The following AGBL1 variants were observed in gnomAD, a reference collection of about 807,000 sequenced individuals.
AGBL1 encodes the protein AGBL carboxypeptidase 1.
A neutral mutation model predicts 118.9 loss-of-function variants in AGBL1; 130 were observed. The observed-to-expected ratio is 1.09, with a 90% CI of 0.95 to 1.26. The LOEUF (loss-of-function observed/expected upper bound fraction) is 1.26. Among genes scored for constraint, AGBL1 ranks in the 50% most tolerant of loss-of-function variants. AGBL1 has a pLI of 0.00. For synonymous variants in AGBL1, 555 were observed against 478.9 expected (o/e 1.16, Z -2.08); for missense variants, 1,584 against 1,298.1 (o/e 1.22, Z -3.38).
chr15:86,818,695 G>A (rs562752451), intron 22 of AGBL1, among the ~76,000 whole-genome samples: 2 of 152,154 alleles, frequency 1.3e-5, no homozygotes, highest in African/African-American at 2.4e-5. Context: ...AGTGGGAGTT[G>A]ACAAAGGGGA....
chr15:86,420,553 C>T (rs2081773371), intron 18 of AGBL1, among the ~76,000 whole-genome samples: 1 of 152,190 alleles, frequency 6.6e-6, no homozygotes, highest in Non-Finnish European at 1.5e-5. Context: ...CAGAATGCCT[C>T]TTCTCCAAAA....
intron 22 of AGBL1, among the ~76,000 whole-genome samples, chr15:86,700,594 C>A (rs532700486): frequency 2.6e-4 from 40 of 151,784 alleles, no homozygotes; most frequent in African/African-American, 9.2e-4. Context: ...AGATATAGAG[C>A]ATTAACACTT....
At chr15:86,433,718 G>A (rs1488616584) in intron 18 of AGBL1, among the ~76,000 whole-genome samples, 1 of 152,106 alleles carries the variant, frequency 6.6e-6, no homozygotes, top group Admixed American at 6.5e-5. Flanking sequence ...CAATCTCCAA[G>A]CTTCAGCCTT....
At chr15:86,806,097 A>G (rs2078710320) in intron 22 of AGBL1, among the ~76,000 whole-genome samples, 1 of 152,114 alleles carries the variant, frequency 6.6e-6, no homozygotes, top group African/African-American at 2.4e-5. Flanking sequence ...GACTGGAAGG[A>G]AGGAAGGGTG....
intron 5 of AGBL1, among the ~76,000 whole-genome samples, chr15:86,160,144 G>A (rs1011771325): frequency 6.8e-6 from 1 of 147,472 alleles, no homozygotes; most frequent in African/African-American, 2.5e-5. Flanking sequence ...TTAGGGGAAG[G>A]AGGGGTCAGT....
chr15:86,210,624 C>T (rs1159780415), intron 5 of AGBL1, among the ~76,000 whole-genome samples: 3 of 152,172 alleles, frequency 2.0e-5, no homozygotes, highest in Non-Finnish European at 2.9e-5. Flanking sequence ...GAAGCTTGAG[C>T]TTGTGTCACG....
chr15:86,794,320 C>T (rs1373807769), intron 22 of AGBL1, among the ~76,000 whole-genome samples: 1 of 152,026 alleles, frequency 6.6e-6, no homozygotes, highest in Non-Finnish European at 1.5e-5. Context: ...ACCTCAAAAC[C>T]ATTATGCTAA....
At chr15:86,600,687 A>G (rs1428767268) in intron 21 of AGBL1, among the ~76,000 whole-genome samples, 1 of 152,184 alleles carries the variant, frequency 6.6e-6, no homozygotes, top group Non-Finnish European at 1.5e-5. Context: ...AAGCTGAATC[A>G]GAAAGAATCT....
chr15:86,129,026 C>T (rs1463734796), intron 1 of AGBL1, among the ~76,000 whole-genome samples: 1 of 152,134 alleles, frequency 6.6e-6, no homozygotes, highest in African/African-American at 2.4e-5. Flanking sequence ...ATAAAACGAA[C>T]AGAAAATCTT....
intron 17 of AGBL1, among the ~76,000 whole-genome samples, chr15:86,310,928 G>A (rs1057439191): frequency 5.3e-5 from 8 of 152,090 alleles, no homozygotes; most frequent in African/African-American, 9.7e-5. Context: ...CTGCTCTCCC[G>A]TTCTGTGAAT....
chr15:86,812,928 G>T (rs1249950843), intron 22 of AGBL1, among the ~76,000 whole-genome samples: 1 of 151,712 alleles, frequency 6.6e-6, no homozygotes, highest in Non-Finnish European at 1.5e-5. Flanking sequence ...TTAAAGGAGA[G>T]ATTTTTTTTT....
chr15:86,935,011 G>A (rs1458707477), intron 23 of AGBL1: 1 of 152,190 alleles, frequency 6.6e-6, no homozygotes, highest in Admixed American at 6.5e-5. Context: ...AAGTTAAAAT[G>A]TAAAAACTAT....
chr15:86,377,913 G>T (rs2081061893), intron 17 of AGBL1, among the ~76,000 whole-genome samples: 2 of 152,134 alleles, frequency 1.3e-5, no homozygotes, highest in African/African-American at 4.8e-5. Context: ...TACATATCCT[G>T]CTGTGGTCCT....
chr15:86,758,403 G>A (rs972887211), intron 22 of AGBL1, among the ~76,000 whole-genome samples: 1 of 152,010 alleles, frequency 6.6e-6, no homozygotes, highest in African/African-American at 2.4e-5. Flanking sequence ...GCTATTATAT[G>A]TGTTCCGTAG....
intron 18 of AGBL1, among the ~76,000 whole-genome samples, chr15:86,478,693 A>G (rs1449460309): frequency 6.6e-6 from 1 of 152,206 alleles, no homozygotes; most frequent in African/African-American, 2.4e-5. Flanking sequence ...ATCCCCATCA[A>G]GCTACCAATG....
At chr15:86,985,680 C>T (rs1378800831) in intron 23 of AGBL1, among the ~76,000 whole-genome samples, 1 of 151,988 alleles carries the variant, frequency 6.6e-6, no homozygotes. Context: ...CTGTGGCTTA[C>T]CTTCTCATTG....
At chr15:86,225,611 T>C (rs1174087414) in intron 6 of AGBL1, among the ~76,000 whole-genome samples, 2 of 152,198 alleles carry the variant, frequency 1.3e-5, no homozygotes, top group Non-Finnish European at 2.9e-5. Flanking sequence ...GTCAATTTCA[T>C]GTGTGCAATA....
chr15:86,686,190 G>T (rs568165140), intron 22 of AGBL1, among the ~76,000 whole-genome samples: 2 of 152,252 alleles, frequency 1.3e-5, no homozygotes, highest in South Asian at 4.1e-4. Flanking sequence ...TTGAATGTTT[G>T]CTTTTTAAAG....
At chr15:86,983,903 A>G (rs1596706494) in intron 23 of AGBL1, among the ~76,000 whole-genome samples, 1 of 152,338 alleles carries the variant, frequency 6.6e-6, no homozygotes, top group East Asian at 1.9e-4. Context: ...GTAGTATTCC[A>G]CTGTATGCAA....
Sources: gnomAD v4.1 joint callset for allele counts (sites outside exome capture counted in the v4.1 genomes callset) on GRCh38, gnomAD v4.1.1 for gene constraint, MANE v1.5 for transcripts, NCBI Gene and HGNC (gene_info 2026-07-23, HGNC 2026-07-21) for gene names.